Variants in PEBP4 observed in about 807,000 individuals in gnomAD.
PEBP4 encodes phosphatidylethanolamine binding protein 4, also known as phosphatidylethanolamine-binding protein 4.
A neutral mutation model predicts 23.9 loss-of-function variants in PEBP4; 22 were observed. That is an observed-to-expected ratio of 0.92 (90% CI 0.66 to 1.31). The LOEUF (loss-of-function observed/expected upper bound fraction) is 1.31, where lower values mean the gene tolerates loss of function less well. Among genes scored for constraint, PEBP4 ranks in the 40% most tolerant of loss-of-function variants. PEBP4 has a pLI of 0.00. For synonymous variants in PEBP4, 112 were observed against 99.3 expected, an observed-to-expected ratio of 1.13 and a Z score of -0.76; for missense variants, 324 against 281.7, an observed-to-expected ratio of 1.15 and a Z score of -1.07.
chr8:22,801,963 C>G (rs943669555), intron 4 of PEBP4, among the ~76,000 whole-genome samples: 3 of 152,166 alleles, frequency 2.0e-5, no homozygotes, highest in African/African-American at 7.2e-5. Flanking sequence ...GACTTCCATC[C>G]TCTTTGAAAG....
intron 4 of PEBP4, among the ~76,000 whole-genome samples, chr8:22,787,237 G>A (rs1338595101): frequency 6.6e-6 from 1 of 152,204 alleles, no homozygotes; most frequent in Admixed American, 6.5e-5. Context: ...CACAGGTGAG[G>A]AGAGGGGTCG....
At chr8:22,903,803 G>A (rs919680994) in intron 3 of PEBP4, among the ~76,000 whole-genome samples, 1 of 152,202 alleles carries the variant, frequency 6.6e-6, no homozygotes, top group Non-Finnish European at 1.5e-5. Flanking sequence ...TTGCAACTGG[G>A]CCAGGGTTAC....
intron 3 of PEBP4, among the ~76,000 whole-genome samples, chr8:22,830,610 T>C (rs553944491): frequency 6.6e-6 from 1 of 152,292 alleles, no homozygotes; most frequent in East Asian, 1.9e-4. Context: ...ACTCATCATG[T>C]CCAACAACAT....
intron 4 of PEBP4, among the ~76,000 whole-genome samples, chr8:22,739,763 C>A (rs778131973): frequency 6.6e-6 from 1 of 152,188 alleles, no homozygotes; most frequent in Non-Finnish European, 1.5e-5. Flanking sequence ...AATGGCCCCT[C>A]AGCCCCTGAC....
intron 3 of PEBP4, among the ~76,000 whole-genome samples, chr8:22,896,787 G>A (rs566552213): frequency 5.9e-5 from 9 of 152,056 alleles, no homozygotes; most frequent in Admixed American, 1.3e-4. Context: ...GTTATATGAC[G>A]CCTTAAAATC....
At chr8:22,810,469 G>A (rs1806594762) in intron 4 of PEBP4, among the ~76,000 whole-genome samples, 2 of 152,114 alleles carry the variant, frequency 1.3e-5, no homozygotes, top group Admixed American at 1.3e-4. Flanking sequence ...CTGCTCAGGG[G>A]TGGGTGTCTG....
intron 3 of PEBP4, among the ~76,000 whole-genome samples, chr8:22,918,929 GCACATGTGCA>G (rs141376967): frequency 1.3e-5 from 2 of 151,026 alleles, no homozygotes; most frequent in African/African-American, 4.9e-5. Context: ...GTGTGTGTGT[GCACATGTGCA>G]CACATGTGCA....
At position 22,775,107 on chromosome 8, in the gene PEBP4, C is replaced by T. The variant is rs573447849; in HGVS notation, c.357+42530G>A. Among the ~76,000 whole-genome samples the T allele has an allele frequency of 3.9e-5, 6 of 152,360 alleles. No homozygotes were observed. In the East Asian group the frequency reaches 1.2e-3, roughly 29 times the overall value. Reference sequence around the variant, plus strand: ...ATGTGATACATTTTCCGTTGCCTCTCTGGCATCAGTTTCCCCACCTGTACC... The same window carrying T: ...ATGTGATACATTTTCCGTTGCCTCTTTGGCATCAGTTTCCCCACCTGTACC... On this transcript the variant is annotated intron_variant, in intron 4 of 6. Coordinates refer to ENST00000256404, the MANE Select transcript of PEBP4 (RefSeq NM_144962.3). The surrounding 1 kb of genome is among the most constrained non-coding windows in gnomAD (Gnocchi z 4.8).
At chr8:22,754,776 C>G (rs1051208790) in intron 4 of PEBP4, 4 of 152,318 alleles carry the variant, frequency 2.6e-5, no homozygotes, top group African/African-American at 9.6e-5. Context: ...TTCCCCACAT[C>G]TCTCCCCTCC....
chr8:22,840,941 C>T (rs1807316223), intron 3 of PEBP4, among the ~76,000 whole-genome samples: 1 of 152,184 alleles, frequency 6.6e-6, no homozygotes, highest in Non-Finnish European at 1.5e-5. Flanking sequence ...CAAGTAAGTG[C>T]CTTTTCCATA....
At chr8:22,774,026 G>T (rs1003515003) in intron 4 of PEBP4, among the ~76,000 whole-genome samples, 9 of 152,132 alleles carry the variant, frequency 5.9e-5, no homozygotes, top group African/African-American at 2.2e-4. Flanking sequence ...AGATACTCAG[G>T]TCTCTTCAAC....
At chr8:22,796,694 G>A (rs1280583009) in intron 4 of PEBP4, among the ~76,000 whole-genome samples, 1 of 152,104 alleles carries the variant, frequency 6.6e-6, no homozygotes, top group Non-Finnish European at 1.5e-5. Flanking sequence ...GACTCAAACA[G>A]AAAGCAAAAA....
upstream of PEBP4, among the ~76,000 whole-genome samples, chr8:22,931,497 C>T (rs186888210): frequency 4.9e-4 from 74 of 152,312 alleles, no homozygotes; most frequent in African/African-American, 1.8e-3. Context: ...CTTTTCCAGC[C>T]TCCCTTCCCA....
chr8:22,843,613 C>T (rs1489308859), intron 3 of PEBP4, among the ~76,000 whole-genome samples: 1 of 152,170 alleles, frequency 6.6e-6, no homozygotes, highest in Non-Finnish European at 1.5e-5. Context: ...CTAGGAAATT[C>T]CAACATCATC....
chr8:22,725,060 T>G (rs1057374834), intron 5 of PEBP4, 104 bp from the exon 6 acceptor site: 124 of 787,706 alleles, frequency 1.6e-4, no homozygotes, highest in Middle Eastern at 3.6e-4. Flanking sequence ...GGGCCCCAGA[T>G]CAGCACTCGG....
At chr8:22,714,889 AAATAAC>A (rs1200695687) in intron 6 of PEBP4, among the ~76,000 whole-genome samples, 1 of 152,226 alleles carries the variant, frequency 6.6e-6, no homozygotes, top group East Asian at 1.9e-4. Context: ...CTGAAACCCA[AAATAAC>A]AATAACAATA....
At chr8:22,787,990 T>C (rs1016579503) in intron 4 of PEBP4, among the ~76,000 whole-genome samples, 4 of 151,438 alleles carry the variant, frequency 2.6e-5, no homozygotes, top group African/African-American at 7.3e-5. Flanking sequence ...GGGGGAGGCG[T>C]GCAACGGGCC....
chr8:22,731,206 C>T (rs780914581), intron 4 of PEBP4, among the ~76,000 whole-genome samples: 2 of 152,140 alleles, frequency 1.3e-5, no homozygotes, highest in Non-Finnish European at 2.9e-5. Flanking sequence ...ACTGAGTGTG[C>T]CTGCCTCTCC....
At chr8:22,714,766 G>A (rs1804380009) in intron 6 of PEBP4, among the ~76,000 whole-genome samples, 1 of 151,958 alleles carries the variant, frequency 6.6e-6, no homozygotes, top group Non-Finnish European at 1.5e-5. Flanking sequence ...TCCTCGGTCA[G>A]CACCCACCAC....
Sources: gnomAD v4.1 joint callset for allele counts (sites outside exome capture counted in the v4.1 genomes callset) on GRCh38, gnomAD v4.1.1 for gene constraint, Gnocchi (gnomAD v3.1) non-coding constraint, MANE v1.5 for transcripts, NCBI Gene and HGNC (gene_info 2026-07-23, HGNC 2026-07-21) for gene names.